The following NCLN variants were observed in gnomAD, a reference collection of about 807,000 sequenced individuals.
NCLN encodes the protein nicalin.
NCLN carries 34 observed loss-of-function variants against 69.5 expected under a neutral mutation model. That is an observed-to-expected ratio of 0.49 (90% CI 0.37 to 0.65). The LOEUF is 0.65. NCLN is among the 30% of genes least tolerant of loss of function. The pLI, the probability that NCLN is intolerant of heterozygous loss-of-function variation, is 0.00. For missense variants in NCLN, 710 were observed against 804.8 expected (o/e 0.88, Z 1.42); for synonymous variants, 393 against 358.3 (o/e 1.10, Z -1.09).
intron 1 of NCLN, among the ~76,000 whole-genome samples, chr19:3,189,551 C>G (rs1403203765): frequency 1.3e-5 from 2 of 152,256 alleles, no homozygotes; most frequent in Admixed American, 1.3e-4. Context: ...GGTGCCCAGG[C>G]CACTGTTCAG....
At chr19:3,192,400 G>A in intron 1 of NCLN, 70 bp from the exon 2 acceptor site, 10 of 1,342,236 alleles carry the variant, frequency 7.5e-6, no homozygotes, top group South Asian at 4.2e-5. Context: ...TGGGTCCCTG[G>A]CCTGGATCTG....
rs1915655686 is a variant in NCLN at position 3,185,988 on chromosome 19, C to T, written c.-43C>T. ...CCGCGGGAGCCGCCGCCGCCGCCGT[C>T]CCGTCCCAGCTGCCGCCCCGCGCGG... On this transcript the variant is annotated 5_prime_UTR_variant, in exon 1 of 15. Transcript: ENST00000246117. 1 of 1,434,786 alleles carries T rather than the reference C, an allele frequency of 7.0e-7. No individual in the cohort carries two copies. Among genetic ancestry groups the T allele is most frequent in the South Asian group, 1.4e-5 (1 of 70,050 alleles). The allele number at this position is 1,434,786 out of a possible 1,614,324, so 88.9% of individuals were successfully genotyped here. A position where few individuals can be genotyped will look rare whatever the true frequency, so the allele number is the denominator to read the frequency against.
At chr19:3,199,097 G>A (rs1215242961) in intron 5 of NCLN, among the ~76,000 whole-genome samples, 200 bp downstream of exon 5, 3 of 152,326 alleles carry the variant, frequency 2.0e-5, no homozygotes, top group African/African-American at 4.8e-5. Context: ...CTCTTGCCCC[G>A]GGGTCGCAGG....
chr19:3,189,917 G>A (rs1398994396), intron 1 of NCLN, among the ~76,000 whole-genome samples: 2 of 152,252 alleles, frequency 1.3e-5, no homozygotes, highest in African/African-American at 2.4e-5. Flanking sequence ...CGGAATGGGA[G>A]GCCGTGGCCT....
At chr19:3,191,163 T>TG (rs1057108755) in intron 1 of NCLN, among the ~76,000 whole-genome samples, 28 of 151,152 alleles carry the variant, frequency 1.9e-4, no homozygotes, top group African/African-American at 2.9e-4. Context: ...TGGCAGCAAG[T>TG]GGGGGGTCCG....
In NCLN at chr19:3,186,199, C is replaced by T. The variant is rs778576717; in HGVS notation, c.169C>T (p.Gln57Ter). The T allele has an allele frequency of 6.4e-7, 1 of 1,563,494 alleles. No individual in the cohort carries two copies. The change falls in exon 1 of 15, where the codon CAG becomes TAG. Residue 57 changes from glutamine (Q) to a stop codon, truncating the protein, a stop_gained. Coordinates refer to ENST00000246117, the MANE Select transcript of NCLN (RefSeq NM_020170.4). LOFTEE classifies it high-confidence loss of function. ...TVYRMQQYDL[Q>*]GQPYGTRNAV... ...GTACCGCATGCAGCAGTACGACCTG[C>T]AGGGCCAGCCCTACGGTGCGTGTCC...
At chr19:3,190,528 G>C (rs866728441) in intron 1 of NCLN, among the ~76,000 whole-genome samples, 14 of 152,376 alleles carry the variant, frequency 9.2e-5, no homozygotes, top group Middle Eastern at 3.4e-3. Flanking sequence ...GGGGACTCAT[G>C]CACGCCCCTG....
chr19:3,192,323 C>A, intron 1 of NCLN, 147 bp from the exon 2 acceptor site: 1 of 658,932 alleles, frequency 1.5e-6, no homozygotes, highest in Non-Finnish European at 2.4e-6. Context: ...GCTGGGGGGA[C>A]CCTGGGAGCT....
At position 3,206,399 on chromosome 19, in the gene NCLN, G is replaced by T; in HGVS notation, c.1473G>T (p.Lys491Asn). ...HHLSRYLKDV[K>N]QHHVKADKRD... ...TGAGCCGCTACCTGAAGGACGTGAA[G>T]CAGCACCACGTCAAGGCTGACAAGC... The change falls in exon 12 of 15, where the codon AAG (lysine) becomes AAT (asparagine). Residue 491 changes from lysine to asparagine, a missense_variant. Transcript: ENST00000246117. 6.5e-7 allele frequency: 1 copy of T among 1,548,036 alleles called. No individual in the cohort carries two copies. Among genetic ancestry groups the T allele is most frequent in the Non-Finnish European group, 8.7e-7 (1 of 1,146,882 alleles).
At position 3,193,347 on chromosome 19, in the gene NCLN, G is replaced by A. The variant is rs747738192; in HGVS notation, c.439G>A (p.Val147Met). 5.8e-5 allele frequency: 94 copies of A among 1,612,812 alleles called. No individual in the cohort carries two copies. The highest frequency in any genetic ancestry group is 1.1e-4 in the East Asian group (5 of 44,894). The stretch of plus-strand genomic sequence containing the variant: ...GACCGCCGTCCCCGTGTACTTTGCC[G>A]TGGAGGACGAGGCCCTGCTGTCTAT... ...METAVPVYFA[V>M]EDEALLSIYK... Residue 147 changes from valine to methionine, a missense_variant, in exon 3 of 15, where the codon GTG becomes ATG. Physicochemically the swap from Val to Met is conservative, Grantham distance 21 (BLOSUM62 1). Coordinates refer to ENST00000246117, the MANE Select transcript of NCLN (RefSeq NM_020170.4).
intron 1 of NCLN, among the ~76,000 whole-genome samples, chr19:3,187,238 C>G (rs1176890032): frequency 6.6e-6 from 1 of 152,230 alleles, no homozygotes; most frequent in African/African-American, 2.4e-5. Context: ...ACCCCAGTGT[C>G]TAGACCATTC....
At chr19:3,186,811 C>A (rs1422015680) in intron 1 of NCLN, among the ~76,000 whole-genome samples, 3 of 152,080 alleles carry the variant, frequency 2.0e-5, no homozygotes, top group African/African-American at 4.8e-5. Context: ...ATTCCCCACC[C>A]CCTCCCACGG....
At chr19:3,197,851 C>T (rs1599354121) in intron 4 of NCLN, among the ~76,000 whole-genome samples, 1 of 152,172 alleles carries the variant, frequency 6.6e-6, no homozygotes, top group African/African-American at 2.4e-5. Context: ...GAACTCCTGA[C>T]CTCAGGTGAT....
chr19:3,205,758 G>A lies in NCLN; in HGVS notation c.1209-181G>A, dbSNP rs1916246710. 3.2e-6 allele frequency: 2 copies of A among 623,826 alleles called. No homozygotes were observed. Among genetic ancestry groups the A allele is most frequent in the Admixed American group, 5.9e-5 (2 of 34,034 alleles). The allele number at this position is 623,826 out of a possible 1,614,324, so 38.6% of individuals were successfully genotyped here. ...CAGGGCAAGGGGCCTGGAGGTGTGG[G>A]GCCCCCAGTGAATCTGCATCTACAT... On this transcript the variant is annotated intron_variant, in intron 9 of 14. Transcript: ENST00000246117. This position sits in a 1 kb window ranked among gnomAD's most constrained non-coding sequence, Gnocchi z 4.6.
chr19:3,193,532 T>A, intron 3 of NCLN, 104 bp downstream of exon 3: 1 of 1,330,906 alleles, frequency 7.5e-7, no homozygotes, highest in Non-Finnish European at 1.0e-6. Context: ...TCTCAGCGTG[T>A]GGCATCCCTT....
Position 3,198,868 on chromosome 19 carries a change from G to T in NCLN, c.667G>T (p.Ala223Ser), listed in dbSNP as rs1056047751. ...GGACCTTCCCACCATCGTCATCGTGGCCCACTACGACGCCTTTGGAGTGGC... is the reference window on the plus strand; with the variant it reads ...GGACCTTCCCACCATCGTCATCGTGTCCCACTACGACGCCTTTGGAGTGGC... ...GEDLPTIVIV[A>S]HYDAFGVAPW... The change falls in exon 5 of 15, where the codon GCC becomes TCC. Residue 223 changes from alanine to serine, a missense_variant. Ala to Ser is a moderately conservative substitution (Grantham distance 99). Coordinates refer to ENST00000246117, the MANE Select transcript of NCLN (RefSeq NM_020170.4). 7 of 1,562,350 alleles carry T rather than the reference G, an allele frequency of 4.5e-6. No homozygotes were observed. The highest frequency in any genetic ancestry group is 6.1e-6 in the Non-Finnish European group (7 of 1,154,402).
intron 1 of NCLN, 131 bp downstream of exon 1, chr19:3,186,345 A>G: frequency 9.2e-7 from 1 of 1,091,434 alleles, no homozygotes; most frequent in African/African-American, 1.7e-5. Flanking sequence ...CAGGCGAGGC[A>G]GAGCCCTGCC....
chr19:3,193,203 C>A, intron 2 of NCLN, 81 bp from the exon 3 acceptor site: 1 of 1,377,680 alleles, frequency 7.3e-7, no homozygotes, highest in Admixed American at 1.9e-5. Context: ...GCTACCCCCA[C>A]CAGGGACAGT....
chr19:3,200,575 G>T (rs1916100345), intron 5 of NCLN, among the ~76,000 whole-genome samples: 1 of 152,052 alleles, frequency 6.6e-6, no homozygotes, highest in Admixed American at 6.6e-5. Flanking sequence ...CTCCCAAAGT[G>T]CTGGGATTAC....
Sources: allele counts gnomAD v4.1 joint callset (sites outside exome capture counted in the v4.1 genomes callset), GRCh38; gene constraint gnomAD v4.1.1; non-coding constraint Gnocchi (gnomAD v3.1); transcripts MANE v1.5; gene names NCBI Gene and HGNC (gene_info 2026-07-23, HGNC 2026-07-21).